Variants in PAXIP1 observed in about 807,000 individuals in gnomAD.
The protein encoded by PAXIP1 is PAX interacting protein 1, also known as PAX-interacting protein 1.
Under a neutral mutation model 140.6 loss-of-function variants are expected in PAXIP1, and 19 were observed. The ratio of observed to expected loss-of-function variants is 0.14; its 90% CI spans 0.09 to 0.20. The LOEUF (loss-of-function observed/expected upper bound fraction) is 0.20, where lower values mean the gene tolerates loss of function less well. Ranked by LOEUF, PAXIP1 falls within the 10% of genes least tolerant of loss-of-function variation. The pLI is 1.00. For missense variants in PAXIP1, 920 were observed against 1,208.6 expected (o/e 0.76, Z 3.54); for synonymous variants, 442 against 444.6 (o/e 0.99, Z 0.07).
At chr7:154,995,810 T>C (rs1216590363) in intron 2 of PAXIP1, among the ~76,000 whole-genome samples, 1 of 152,080 alleles carries the variant, frequency 6.6e-6, no homozygotes, top group Non-Finnish European at 1.5e-5. Flanking sequence ...GATCACACCA[T>C]TGCACTCCAG....
chr7:154,977,957 A>G (rs984599279), intron 5 of PAXIP1, among the ~76,000 whole-genome samples: 9 of 149,918 alleles, frequency 6.0e-5, no homozygotes, highest in African/African-American at 2.3e-4. Context: ...CGCAGACCAA[A>G]CTTTTTAATG....
rs569496445 is a variant in PAXIP1 at position 154,956,872 on chromosome 7, A to C, written c.2549+352T>G. ...GCCTACACGCTCTCTTGGCATGTAC[A>C]GCAGGTTCTTCAGCCGTGCCCAGGA... On this transcript the variant is annotated intron_variant, in intron 14 of 20. Transcript: ENST00000404141. The surrounding 1 kb of genome is among the most constrained non-coding windows in gnomAD (Gnocchi z 4.2). 1.0e-4 allele frequency: 19 copies of C among 186,964 alleles called. No homozygotes were observed. In the East Asian group the frequency reaches 2.9e-3, roughly 28 times the overall value. 11.6% of individuals were successfully genotyped at this position (186,964 alleles called of 1,614,324 possible). A position where few individuals can be genotyped will look rare whatever the true frequency, so the allele number is the denominator to read the frequency against.
intron 12 of PAXIP1, among the ~76,000 whole-genome samples, chr7:154,960,372 A>C (rs1322366139): frequency 6.6e-6 from 1 of 152,332 alleles, no homozygotes; most frequent in African/African-American, 2.4e-5. Context: ...AAAGCTCAAT[A>C]GTGACAAAGA....
chr7:154,995,894 T>A (rs1053906180), intron 2 of PAXIP1, among the ~76,000 whole-genome samples: 1 of 152,208 alleles, frequency 6.6e-6, no homozygotes, highest in Admixed American at 6.5e-5. Context: ...ACATTTCCAA[T>A]GATGCCCAAA....
intron 2 of PAXIP1, among the ~76,000 whole-genome samples, chr7:154,995,718 C>T (rs750105717): frequency 5.3e-5 from 8 of 152,060 alleles, no homozygotes; most frequent in Non-Finnish European, 8.8e-5. Context: ...GGCGTGGTGG[C>T]ACACGCCTGT....
chr7:154,966,869 C>T (rs973477864), intron 8 of PAXIP1, among the ~76,000 whole-genome samples: 1 of 152,234 alleles, frequency 6.6e-6, no homozygotes, highest in South Asian at 2.1e-4. Flanking sequence ...TGCCCCAACC[C>T]CTGCCTCGTG....
intron 8 of PAXIP1, chr7:154,967,563 TA>T: frequency 2.2e-6 from 1 of 454,328 alleles, no homozygotes; most frequent in Non-Finnish European, 3.9e-6. Flanking sequence ...TATACACATA[TA>T]ATTAGTGCCC....
At chr7:154,949,989 G>GT (rs1808201472) in intron 16 of PAXIP1, 1 of 152,128 alleles carries the variant, frequency 6.6e-6, no homozygotes, top group Non-Finnish European at 1.5e-5. Context: ...TGAGATTTTG[G>GT]TTTTTTCAAA....
intron 6 of PAXIP1, among the ~76,000 whole-genome samples, chr7:154,975,301 A>C (rs1217078321): frequency 6.6e-6 from 1 of 152,182 alleles, no homozygotes; most frequent in Non-Finnish European, 1.5e-5. Flanking sequence ...TGTGTTATTT[A>C]TTTACTACCA....
intron 4 of PAXIP1, among the ~76,000 whole-genome samples, chr7:154,987,143 A>AG: frequency 1.3e-5 from 2 of 152,092 alleles, no homozygotes; most frequent in Admixed American, 1.3e-4. Context: ...CAGGGACTAC[A>AG]CTGGTGACTT....
intron 3 of PAXIP1, 75 bp from the exon 4 acceptor site, chr7:154,991,144 C>A (rs530721353): frequency 2.9e-6 from 2 of 682,424 alleles, no homozygotes; most frequent in African/African-American, 1.9e-5. Context: ...CATTACCCAC[C>A]CACTCCGTCC....
intron 13 of PAXIP1, among the ~76,000 whole-genome samples, chr7:154,959,330 A>AG (rs1202528456): frequency 6.6e-6 from 1 of 152,236 alleles, no homozygotes; most frequent in Middle Eastern, 3.2e-3. Context: ...AGTAAAAAAA[A>AG]CTGCTGTTCT....
chr7:154,991,135 A>G (rs1186509262), intron 3 of PAXIP1, 66 bp from the exon 4 acceptor site: 1 of 766,014 alleles, frequency 1.3e-6, no homozygotes, highest in Non-Finnish European at 2.1e-6. Flanking sequence ...ACTAACAGAC[A>G]TTACCCACCC....
At chr7:154,981,612 T>C (rs1809846465) in intron 5 of PAXIP1, among the ~76,000 whole-genome samples, 2 of 152,174 alleles carry the variant, frequency 1.3e-5, no homozygotes, top group South Asian at 4.1e-4. Flanking sequence ...TTTTAAAATA[T>C]ATGGAGTATT....
chr7:154,960,227 T>C (rs1479177452), intron 12 of PAXIP1, among the ~76,000 whole-genome samples: 7 of 152,058 alleles, frequency 4.6e-5, no homozygotes, highest in Non-Finnish European at 8.8e-5. Flanking sequence ...CCTCCCACCG[T>C]GGGTTGTCTG....
chr7:154,944,313 G>A (rs892238274), intron 20 of PAXIP1, 149 bp from the exon 21 acceptor site: 1 of 611,692 alleles, frequency 1.6e-6, no homozygotes, highest in East Asian at 3.0e-5. Flanking sequence ...TCGCTCTGCT[G>A]CATACCCACA....
At chr7:154,961,137 A>G in intron 11 of PAXIP1, 60 bp from the exon 12 acceptor site, 8 of 1,246,366 alleles carry the variant, frequency 6.4e-6, no homozygotes, top group Non-Finnish European at 8.8e-6. Context: ...AACTGTCCAA[A>G]TGTACATTTA....
chr7:154,965,438 A>C (rs1208689247), intron 8 of PAXIP1: 1 of 152,236 alleles, frequency 6.6e-6, no homozygotes, highest in Non-Finnish European at 1.5e-5. Flanking sequence ...GTTACACAGC[A>C]AGAGAAAATG....
Position 154,968,543 on chromosome 7 carries a change from G to T in PAXIP1, c.1658C>A (p.Thr553Lys). 1.3e-6 allele frequency: 1 copy of T among 744,142 alleles called. No homozygotes were observed. Among genetic ancestry groups the T allele is most frequent in the Non-Finnish European group, 2.4e-6 (1 of 409,748 alleles). 46.1% of individuals were successfully genotyped at this position (744,142 alleles called of 1,614,324 possible). ...QQQQQQMQSQ[T>K]APHLSQTSQA... The stretch of plus-strand genomic sequence containing the variant: ...TGACGTCTGACTCAAGTGTGGCGCT[G>T]TCTGACTTTGCATCTGCTGCTGCTG... The change falls in exon 7 of 21, where the codon ACA becomes AAA. Residue 553 changes from threonine to lysine, a missense_variant. Thr to Lys is a moderately conservative substitution (Grantham distance 78). This residue lies in a region of PAXIP1 where 133 missense variants were observed against 88.4 expected (regional missense o/e 1.50). Transcript: ENST00000404141.
Sources: allele counts gnomAD v4.1 joint callset (sites outside exome capture counted in the v4.1 genomes callset), GRCh38; gene constraint gnomAD v4.1.1; regional missense constraint gnomAD v4.1.1; non-coding constraint Gnocchi (gnomAD v3.1); transcripts MANE v1.5; gene names NCBI Gene and HGNC (gene_info 2026-07-23, HGNC 2026-07-21).